Variants in PTPRD observed in about 807,000 individuals in gnomAD.
The protein encoded by PTPRD is protein tyrosine phosphatase receptor type D, also known as receptor-type tyrosine-protein phosphatase delta.
A neutral mutation model predicts 214.5 loss-of-function variants in PTPRD; 34 were observed. That is an observed-to-expected ratio of 0.16 (90% CI 0.12 to 0.21). The LOEUF (loss-of-function observed/expected upper bound fraction) is 0.21. Among genes scored for constraint, PTPRD ranks in the 10% least tolerant of loss-of-function variants. The pLI, the probability that PTPRD is intolerant of heterozygous loss-of-function variation, is 1.00. For synonymous variants in PTPRD, 1,128 were observed against 845.7 expected, an observed-to-expected ratio of 1.33 and a Z score of -5.79; for missense variants, 2,545 against 2,398.7, an observed-to-expected ratio of 1.06 and a Z score of -1.27.
At chr9:9,358,594 C>T (rs1167344916) in intron 9 of PTPRD, among the ~76,000 whole-genome samples, 1 of 151,098 alleles carries the variant, frequency 6.6e-6, no homozygotes, top group African/African-American at 2.4e-5. Context: ...GCTAACTATG[C>T]CAATAGTCAT....
chr9:8,729,804 GC>G, intron 12 of PTPRD, among the ~76,000 whole-genome samples: 1 of 152,130 alleles, frequency 6.6e-6, no homozygotes, highest in East Asian at 1.9e-4. Flanking sequence ...ACTCTATGCT[GC>G]CCATCAGGAA....
At chr9:10,195,321 A>C (rs1272597900) in intron 3 of PTPRD, among the ~76,000 whole-genome samples, 2 of 152,078 alleles carry the variant, frequency 1.3e-5, no homozygotes, top group East Asian at 3.9e-4. Flanking sequence ...GACTGCAGTT[A>C]GTTTTTCTCA....
intron 11 of PTPRD, among the ~76,000 whole-genome samples, chr9:8,877,739 T>C (rs1237909746): frequency 1.3e-5 from 2 of 152,192 alleles, no homozygotes; most frequent in African/African-American, 2.4e-5. Flanking sequence ...TTTACACTCA[T>C]AAATGAGACA....
chr9:10,141,419 C>T (rs1325424336), intron 3 of PTPRD, among the ~76,000 whole-genome samples: 2 of 152,064 alleles, frequency 1.3e-5, no homozygotes, highest in Non-Finnish European at 2.9e-5. Context: ...GATACAAAAT[C>T]AATGTACAAA....
At chr9:8,965,913 G>C (rs935261838) in intron 11 of PTPRD, among the ~76,000 whole-genome samples, 1 of 152,076 alleles carries the variant, frequency 6.6e-6, no homozygotes, top group African/African-American at 2.4e-5. Context: ...AAAAGACTAT[G>C]AGAACTGATA....
intron 11 of PTPRD, among the ~76,000 whole-genome samples, chr9:8,880,316 G>A (rs1194585754): frequency 1.3e-5 from 2 of 152,286 alleles, no homozygotes; most frequent in East Asian, 3.9e-4. Flanking sequence ...CCTCTCTCAA[G>A]TTGGTTTTTC....
intron 10 of PTPRD, among the ~76,000 whole-genome samples, chr9:9,171,755 T>C (rs995758908): frequency 6.6e-6 from 1 of 152,086 alleles, no homozygotes; most frequent in Non-Finnish European, 1.5e-5. Flanking sequence ...TGAAAAATCC[T>C]TAGCAGAAGC....
Position 8,453,363 on chromosome 9 carries a change from G to A in PTPRD, c.3876-3526C>T, listed in dbSNP as rs564964340. Among the ~76,000 whole-genome samples, 11 of 151,750 alleles carry A rather than the reference G, an allele frequency of 7.2e-5. No homozygotes were observed. The East Asian group carries it at 1.4e-3, about 19-fold the overall frequency. On this transcript the variant is annotated intron_variant, in intron 33 of 45. Coordinates refer to ENST00000381196, the MANE Select transcript of PTPRD (RefSeq NM_002839.4). ...TATTTTTTAGTAGAGATGTGGTTTC[G>A]CCGTGTTAGTCAGGATGGTCTCGAT...
At chr9:9,443,583 T>C (rs1452476296) in intron 8 of PTPRD, among the ~76,000 whole-genome samples, 1 of 152,156 alleles carries the variant, frequency 6.6e-6, no homozygotes, top group Non-Finnish European at 1.5e-5. Context: ...GGTTGTTACG[T>C]AAGAAGTCTG....
At chr9:8,807,598 CTT>C (rs200760578) in intron 11 of PTPRD, among the ~76,000 whole-genome samples, 4 of 135,006 alleles carry the variant, frequency 3.0e-5, no homozygotes. Flanking sequence ...CTTTGAATAG[CTT>C]TTTTTTTTTT....
chr9:9,045,384 A>G (rs62531119), intron 10 of PTPRD, among the ~76,000 whole-genome samples: 9,803 of 151,812 alleles, frequency 0.065, 340 homozygotes, highest in Middle Eastern at 0.12. Context: ...AAAGTTTCTA[A>G]GTCGTGAGCA....
intron 9 of PTPRD, among the ~76,000 whole-genome samples, chr9:9,282,549 G>C (rs945803815): frequency 1.3e-5 from 2 of 151,272 alleles, no homozygotes; most frequent in Non-Finnish European, 3.0e-5. Flanking sequence ...TATAAATTCA[G>C]TTCCTAGGTT....
At chr9:10,127,883 C>G (rs1399840799) in intron 3 of PTPRD, among the ~76,000 whole-genome samples, 1 of 152,176 alleles carries the variant, frequency 6.6e-6, no homozygotes, top group Non-Finnish European at 1.5e-5. Context: ...TTCCCCGTCA[C>G]TATCACAGAG....
chr9:8,766,188 A>G (rs1293831612), intron 11 of PTPRD, among the ~76,000 whole-genome samples: 5 of 127,428 alleles, frequency 3.9e-5, no homozygotes, highest in Middle Eastern at 4.0e-3. Flanking sequence ...ACCACTGATG[A>G]AAAAAAAAAA....
At chr9:8,575,463 G>A (rs2092188679) in intron 14 of PTPRD, among the ~76,000 whole-genome samples, 1 of 152,084 alleles carries the variant, frequency 6.6e-6, no homozygotes, top group East Asian at 1.9e-4. Context: ...TGAACTCTTT[G>A]CCTGTTGCTG....
chr9:9,413,100 CTTTTTTTTT>C (rs5896325), intron 8 of PTPRD, among the ~76,000 whole-genome samples: 2 of 63,020 alleles, frequency 3.2e-5, no homozygotes, highest in South Asian at 8.5e-4. Context: ...CTTGCAGCTT[CTTTTTTTTT>C]TTTTTTTTTT....
intron 9 of PTPRD, among the ~76,000 whole-genome samples, chr9:9,235,756 T>G (rs1359728304): frequency 1.3e-5 from 2 of 152,210 alleles, no homozygotes; most frequent in Admixed American, 1.3e-4. Context: ...GTCAAGAATG[T>G]AAAGTAAAAA....
chr9:9,779,078 CAAAAA>C lies in PTPRD; in HGVS notation c.-367-12232_-367-12228del, dbSNP rs869120926. On this transcript the variant is annotated intron_variant, in intron 5 of 45. Transcript: ENST00000381196. ...GCCATGTGATCTTTCATAAGACTGACAAAAAAAAAAAAAAAAAAAAAAAAAAGCAA... is the reference window on the plus strand; with the variant it reads ...GCCATGTGATCTTTCATAAGACTGACAAAAAAAAAAAAAAAAAAAAAGCAA... 3.8e-3 allele frequency among the ~76,000 whole-genome samples: 173 copies of C among 45,482 alleles called. 1 individual carries two copies. Among genetic ancestry groups the C allele is most frequent in the African/African-American group, 0.012 (137 of 11,272 alleles). The allele number at this position is 45,482 out of a possible 152,430, so 29.8% of individuals were successfully genotyped here.
At chr9:10,047,574 T>C (rs186575142) in intron 3 of PTPRD, among the ~76,000 whole-genome samples, 12 of 152,146 alleles carry the variant, frequency 7.9e-5, no homozygotes, top group Non-Finnish European at 1.2e-4. Flanking sequence ...GCCCACATAC[T>C]TTTTTGTTCC....
Sources: allele counts gnomAD v4.1 joint callset (sites outside exome capture counted in the v4.1 genomes callset), GRCh38; gene constraint gnomAD v4.1.1; transcripts MANE v1.5; gene names NCBI Gene and HGNC (gene_info 2026-07-23, HGNC 2026-07-21).